Variants in SLC35F3 observed in about 807,000 individuals in gnomAD.
SLC35F3 encodes putative thiamine transporter SLC35F3.
SLC35F3 carries 25 observed loss-of-function variants against 49.9 expected under a neutral mutation model. That is an observed-to-expected ratio of 0.50 (90% CI 0.37 to 0.70). SLC35F3 has a LOEUF of 0.70. SLC35F3 is among the 30% of genes least tolerant of loss of function. The pLI, the probability that SLC35F3 is intolerant of heterozygous loss-of-function variation, is 0.00. For synonymous variants in SLC35F3, 275 were observed against 265.4 expected, an observed-to-expected ratio of 1.04 and a Z score of -0.35; for missense variants, 525 against 639.8, an observed-to-expected ratio of 0.82 and a Z score of 1.94.
chr1:234,305,223 C>CTA (rs1259084458), intron 3 of SLC35F3, among the ~76,000 whole-genome samples: 1 of 152,106 alleles, frequency 6.6e-6, no homozygotes. Flanking sequence ...TCAAGACAGG[C>CTA]TATCCCAGCT....
intron 2 of SLC35F3, among the ~76,000 whole-genome samples, chr1:234,145,064 A>G (rs531650938): frequency 6.6e-6 from 1 of 152,350 alleles, no homozygotes; most frequent in South Asian, 2.1e-4. Flanking sequence ...AACAAAGGAA[A>G]TATTAAACAG....
chr1:234,162,618 C>T (rs1286447280), intron 2 of SLC35F3, among the ~76,000 whole-genome samples: 1 of 152,040 alleles, frequency 6.6e-6, no homozygotes, highest in Non-Finnish European at 1.5e-5. Context: ...CCTCACATAC[C>T]AAAGCCCAGC....
At chr1:233,974,962 G>A (rs1663055904) in intron 2 of SLC35F3, among the ~76,000 whole-genome samples, 1 of 152,240 alleles carries the variant, frequency 6.6e-6, no homozygotes, top group South Asian at 2.1e-4. Flanking sequence ...GAAAGGCTTA[G>A]AGAGAAGACA....
At chr1:234,075,721 G>GA (rs1200161134) in intron 2 of SLC35F3, among the ~76,000 whole-genome samples, 1 of 151,878 alleles carries the variant, frequency 6.6e-6, no homozygotes, top group South Asian at 2.1e-4. Context: ...CTGCCAAAAG[G>GA]AAAAAAATAA....
At chr1:233,926,425 G>A (rs111319913) in intron 2 of SLC35F3, among the ~76,000 whole-genome samples, 4,438 of 151,658 alleles carry the variant, frequency 0.029, 194 homozygotes, top group African/African-American at 0.1. Flanking sequence ...TGATTGAATC[G>A]GCTACTGAAG....
intron 2 of SLC35F3, among the ~76,000 whole-genome samples, chr1:234,102,137 C>T (rs1572052664): frequency 6.6e-6 from 1 of 152,298 alleles, no homozygotes; most frequent in East Asian, 1.9e-4. Flanking sequence ...TTTACTTTCC[C>T]CCTTTCCATG....
At chr1:233,927,545 A>C (rs1218977397) in intron 2 of SLC35F3, among the ~76,000 whole-genome samples, 4 of 152,118 alleles carry the variant, frequency 2.6e-5, no homozygotes, top group African/African-American at 4.8e-5. Context: ...GCATTCTAAT[A>C]ATTTTATGTT....
At chr1:234,285,301 T>C (rs937505079) in intron 3 of SLC35F3, 12 of 474,176 alleles carry the variant, frequency 2.5e-5, no homozygotes, top group Non-Finnish European at 5.1e-5. Context: ...GGGTCTCTTG[T>C]TGAAATCTGA....
chr1:234,086,482 A>G (rs1361646096), intron 2 of SLC35F3, among the ~76,000 whole-genome samples: 2 of 152,200 alleles, frequency 1.3e-5, no homozygotes, highest in African/African-American at 4.8e-5. Flanking sequence ...ATATTTATTC[A>G]TCCTTTGATG....
At chr1:234,304,135 TA>T (rs1258280665) in intron 3 of SLC35F3, among the ~76,000 whole-genome samples, 9 of 151,640 alleles carry the variant, frequency 5.9e-5, no homozygotes, top group Middle Eastern at 3.2e-3. Flanking sequence ...TATGGGAGAT[TA>T]TTTTGACTTT....
intron 2 of SLC35F3, among the ~76,000 whole-genome samples, chr1:234,031,510 A>G (rs1414816312): frequency 1.3e-5 from 2 of 152,136 alleles, no homozygotes; most frequent in African/African-American, 4.8e-5. Context: ...TGCTCTATCC[A>G]AGATAATCCA....
chr1:233,999,202 C>T (rs1419252657), intron 2 of SLC35F3, among the ~76,000 whole-genome samples: 3 of 152,262 alleles, frequency 2.0e-5, no homozygotes, highest in East Asian at 1.9e-4. Context: ...GGTCATCCCA[C>T]GTTTTTTCCA....
At chr1:234,322,902 C>A in intron 7 of SLC35F3, 106 bp from the exon 8 acceptor site, 1 of 934,886 alleles carries the variant, frequency 1.1e-6, no homozygotes, top group Non-Finnish European at 1.7e-6. Flanking sequence ...CCAGGGAAGA[C>A]CACAACACTG....
intron 2 of SLC35F3, among the ~76,000 whole-genome samples, chr1:234,034,729 G>A (rs952508233): frequency 2.0e-5 from 3 of 152,040 alleles, no homozygotes; most frequent in Non-Finnish European, 4.4e-5. Context: ...TGCCATGTTG[G>A]CCAGGCTAGT....
At chr1:233,968,561 C>T (rs1040333331) in intron 2 of SLC35F3, among the ~76,000 whole-genome samples, 2 of 151,970 alleles carry the variant, frequency 1.3e-5, no homozygotes, top group Non-Finnish European at 2.9e-5. Context: ...AATCTTGGCT[C>T]ACTGCAACCT....
At position 234,214,294 on chromosome 1, in the gene SLC35F3, G is replaced by A; in HGVS notation, c.284-17123G>A. The A allele has an allele frequency of 7.8e-7, 1 of 1,287,498 alleles. No individual in the cohort carries two copies. Among genetic ancestry groups the A allele is most frequent in the Non-Finnish European group, 9.8e-7 (1 of 1,021,156 alleles). The allele number at this position is 1,287,498 out of a possible 1,614,324, so 79.8% of individuals were successfully genotyped here. On this transcript the variant is annotated intron_variant, in intron 2 of 7. Coordinates refer to ENST00000366618, the MANE Select transcript of SLC35F3 (RefSeq NM_173508.4). This position sits in a 1 kb window ranked among gnomAD's most constrained non-coding sequence, Gnocchi z 8.0. ...GTGGCTGCGCGGCCGGGGAGGATGT[G>A]CGCTGCAGGGCGGCCGCCGCAGTGA...
chr1:234,318,737 G>C lies in SLC35F3; in HGVS notation c.955-14G>C. Reference sequence around the variant, plus strand: ...GTGAGCCTTCACCCCGTCCTCCTCTGCTTTCTCCTACAGGTTTTGTTCAAG... The same window carrying C: ...GTGAGCCTTCACCCCGTCCTCCTCTCCTTTCTCCTACAGGTTTTGTTCAAG... On this transcript the variant is annotated splice_polypyrimidine_tract_variant and intron_variant, in intron 5 of 7. Transcript: ENST00000366618. The C allele has an allele frequency of 1.2e-6, 2 of 1,611,730 alleles. No individual in the cohort carries two copies. Among genetic ancestry groups the C allele is most frequent in the Non-Finnish European group, 1.7e-6 (2 of 1,178,824 alleles).
intron 7 of SLC35F3, 40 bp from the exon 8 acceptor site, chr1:234,322,968 A>G: frequency 1.3e-6 from 2 of 1,583,592 alleles, no homozygotes; most frequent in Non-Finnish European, 1.7e-6. Context: ...CATGCCCCCA[A>G]CCCTGCAGCT....
At chr1:233,980,454 G>C (rs1285720156) in intron 2 of SLC35F3, among the ~76,000 whole-genome samples, 3 of 152,296 alleles carry the variant, frequency 2.0e-5, no homozygotes, top group Middle Eastern at 3.4e-3. Context: ...CAAGGCCTGT[G>C]TCTCCCCAGC....
Sources: gnomAD v4.1 joint callset for allele counts (sites outside exome capture counted in the v4.1 genomes callset) on GRCh38, gnomAD v4.1.1 for gene constraint, Gnocchi (gnomAD v3.1) non-coding constraint, MANE v1.5 for transcripts, NCBI Gene and HGNC (gene_info 2026-07-23, HGNC 2026-07-21) for gene names.